The following CTNNA3 variants were observed in gnomAD, a reference collection of about 807,000 sequenced individuals.
CTNNA3 encodes the protein catenin alpha-3.
A neutral mutation model predicts 95.7 loss-of-function variants in CTNNA3; 76 were observed. The observed-to-expected ratio is 0.79, with a 90% CI of 0.66 to 0.96. CTNNA3 has a LOEUF of 0.96. Among genes scored for constraint, CTNNA3 ranks in the 40% least tolerant of loss-of-function variants. CTNNA3 has a pLI of 0.00. For missense variants in CTNNA3, 1,191 were observed against 1,089.8 expected, an observed-to-expected ratio of 1.09 and a Z score of -1.31; for synonymous variants, 431 against 374.4, an observed-to-expected ratio of 1.15 and a Z score of -1.74.
In CTNNA3 at chr10:67,586,682, G is replaced by T. The variant is rs141477136; in HGVS notation, c.292+20175C>A. Among the ~76,000 whole-genome samples the T allele has an allele frequency of 3.4e-3, 520 of 151,994 alleles. 5 individuals carry two copies. The highest frequency in any genetic ancestry group is 0.012 in the African/African-American group (485 of 41,460). On this transcript the variant is annotated intron_variant, in intron 3 of 17. Transcript: ENST00000433211. ...CCCCATCCCTATTTTTAGTCTATAT[G>T]TGTCTTTTCAGGTAAGTTTCTTATA...
intron 6 of CTNNA3, among the ~76,000 whole-genome samples, chr10:67,184,464 T>C (rs1191045411): frequency 2.0e-5 from 3 of 152,218 alleles, no homozygotes; most frequent in Non-Finnish European, 2.9e-5. Flanking sequence ...CGGAGCAACA[T>C]TTTTGACACT....
chr10:66,324,974 A>C (rs1190760109), intron 12 of CTNNA3, among the ~76,000 whole-genome samples: 1 of 151,746 alleles, frequency 6.6e-6, no homozygotes, highest in Non-Finnish European at 1.5e-5. Context: ...AGAGCCTGGC[A>C]GTCTTCCTCA....
chr10:67,324,722 C>T (rs1211575404), intron 5 of CTNNA3, among the ~76,000 whole-genome samples: 1 of 150,150 alleles, frequency 6.7e-6, no homozygotes, highest in Non-Finnish European at 1.5e-5. Flanking sequence ...TTTGTCTTGC[C>T]AGATTTTGGT....
At chr10:66,137,264 CT>C (rs2083403060) in intron 13 of CTNNA3, among the ~76,000 whole-genome samples, 6 of 152,170 alleles carry the variant, frequency 3.9e-5, no homozygotes, top group African/African-American at 1.4e-4. Flanking sequence ...CTTCATAGCA[CT>C]TCTACAAAAG....
chr10:67,526,807 T>C (rs945368561), intron 4 of CTNNA3, among the ~76,000 whole-genome samples: 5 of 152,230 alleles, frequency 3.3e-5, no homozygotes, highest in African/African-American at 1.2e-4. Context: ...ATTAAGATCA[T>C]GACACCTTTC....
At chr10:66,690,235 T>C (rs930819043) in intron 9 of CTNNA3, among the ~76,000 whole-genome samples, 1 of 152,162 alleles carries the variant, frequency 6.6e-6, no homozygotes, top group African/African-American at 2.4e-5. Context: ...AGGACTTGGG[T>C]GCAGACTGAA....
chr10:67,360,166 A>T (rs1311721190), intron 5 of CTNNA3, among the ~76,000 whole-genome samples: 1 of 152,080 alleles, frequency 6.6e-6, no homozygotes, highest in Non-Finnish European at 1.5e-5. Context: ...AAGGGAATTT[A>T]TTACCACTAG....
chr10:67,408,139 C>G (rs1321554702), intron 5 of CTNNA3, among the ~76,000 whole-genome samples: 1 of 152,142 alleles, frequency 6.6e-6, no homozygotes, highest in African/African-American at 2.4e-5. Flanking sequence ...TAGGAAGAAT[C>G]AATGTTTTGA....
intron 11 of CTNNA3, among the ~76,000 whole-genome samples, chr10:66,426,786 A>G (rs2093245716): frequency 6.7e-6 from 1 of 149,502 alleles, no homozygotes; most frequent in Non-Finnish European, 1.5e-5. Context: ...TCAATTCTAT[A>G]AAATTATCAG....
At chr10:67,698,240 GAA>G (rs899243127), upstream of CTNNA3, among the ~76,000 whole-genome samples, 1 of 132,332 alleles carries the variant, frequency 7.6e-6, no homozygotes, top group Non-Finnish European at 1.6e-5. Flanking sequence ...AAGAGCTGGG[GAA>G]AAAAAAAAGA....
At chr10:66,659,409 TTAGAAGG>T (rs1846180407) in intron 9 of CTNNA3, among the ~76,000 whole-genome samples, 1 of 152,142 alleles carries the variant, frequency 6.6e-6, no homozygotes, top group Non-Finnish European at 1.5e-5. Context: ...AAAGTTTTAT[TTAGAAGG>T]AGCTCAGTTT....
chr10:67,358,801 G>A (rs1427162274), intron 5 of CTNNA3, among the ~76,000 whole-genome samples: 2 of 152,044 alleles, frequency 1.3e-5, no homozygotes, highest in Admixed American at 1.3e-4. Flanking sequence ...CAGCCCACCA[G>A]GGACCCCCTT....
intron 7 of CTNNA3, among the ~76,000 whole-genome samples, chr10:67,179,897 C>A (rs1231143421): frequency 1.3e-5 from 2 of 152,104 alleles, no homozygotes; most frequent in East Asian, 3.9e-4. Flanking sequence ...TCAAACATAG[C>A]TCATGATCCC....
chr10:66,895,018 T>C (rs1845421173), intron 7 of CTNNA3, among the ~76,000 whole-genome samples: 1 of 134,120 alleles, frequency 7.5e-6, no homozygotes, highest in African/African-American at 2.8e-5. Context: ...ATTGTGCCAT[T>C]GGCGAGAGCT....
At chr10:67,223,268 C>T (rs1209581747) in intron 5 of CTNNA3, among the ~76,000 whole-genome samples, 1 of 152,170 alleles carries the variant, frequency 6.6e-6, no homozygotes, top group African/African-American at 2.4e-5. Flanking sequence ...TAATGACTGT[C>T]ACCTCCTAAA....
At chr10:67,647,577 C>A in intron 1 of CTNNA3, 59 bp from the exon 2 acceptor site, 1 of 1,378,162 alleles carries the variant, frequency 7.3e-7, no homozygotes, top group Non-Finnish European at 1.0e-6. Flanking sequence ...TAAAGAAGAA[C>A]ACTTATGAAA....
chr10:67,196,805 G>A (rs1243609291), intron 6 of CTNNA3, among the ~76,000 whole-genome samples: 1 of 151,944 alleles, frequency 6.6e-6, no homozygotes, highest in Non-Finnish European at 1.5e-5. Flanking sequence ...TGATTTTGTT[G>A]TGATATTGAA....
intron 1 of CTNNA3, among the ~76,000 whole-genome samples, chr10:67,706,956 C>T (rs540935098): frequency 1.3e-5 from 2 of 152,246 alleles, no homozygotes; most frequent in South Asian, 4.1e-4. Context: ...ACCTATTTTT[C>T]TCTGACATTC....
intron 12 of CTNNA3, among the ~76,000 whole-genome samples, chr10:66,308,442 C>T (rs576905381): frequency 3.9e-5 from 6 of 152,186 alleles, no homozygotes; most frequent in African/African-American, 1.2e-4. Context: ...ATCCAATATG[C>T]CAAATGACTT....
Sources: allele counts gnomAD v4.1 joint callset (sites outside exome capture counted in the v4.1 genomes callset), GRCh38; gene constraint gnomAD v4.1.1; transcripts MANE v1.5; gene names NCBI Gene and HGNC (gene_info 2026-07-23, HGNC 2026-07-21).